GFRA2: variants seen among roughly 807,000 people sequenced by gnomAD.
GFRA2 encodes GDNF family receptor alpha-2.
In GFRA2, 17 loss-of-function variants were observed where a neutral mutation model predicts 48.3. The ratio of observed to expected loss-of-function variants is 0.35; its 90% CI spans 0.24 to 0.53. The LOEUF (loss-of-function observed/expected upper bound fraction) is 0.53. Ranked by LOEUF, GFRA2 falls within the 20% of genes least tolerant of loss-of-function variation. GFRA2 has a pLI of 0.93. For missense variants in GFRA2, 660 were observed against 637.3 expected, an observed-to-expected ratio of 1.04 and a Z score of -0.38; for synonymous variants, 305 against 257.2, an observed-to-expected ratio of 1.19 and a Z score of -1.78.
intron 7 of GFRA2, among the ~76,000 whole-genome samples, chr8:21,702,254 C>T (rs192930030): frequency 1.3e-5 from 2 of 152,290 alleles, no homozygotes; most frequent in East Asian, 1.9e-4. Flanking sequence ...CCCACCCAGT[C>T]GCCAGGAGGG....
chr8:21,702,654 C>A (rs1203011197), intron 7 of GFRA2, 151 bp downstream of exon 7: 2 of 649,098 alleles, frequency 3.1e-6, no homozygotes, highest in Non-Finnish European at 5.1e-6. Context: ...AATAAAGGAA[C>A]TGGTGAAGAA....
exon 1 of GFRA2, chr8:21,812,287 G>A (rs888044422): frequency 2.6e-5 from 4 of 152,292 alleles, no homozygotes; most frequent in African/African-American, 9.6e-5. Context: ...CGGCCTGATG[G>A]CGCATTGTCC....
chr8:21,759,443 AG>A, intron 3 of GFRA2, among the ~76,000 whole-genome samples: 1 of 76,526 alleles, frequency 1.3e-5, no homozygotes, highest in Non-Finnish European at 2.4e-5. Flanking sequence ...AGAGGGAGGG[AG>A]AGAGGGAGAG....
At chr8:21,708,045 C>A (rs558732371) in intron 4 of GFRA2, among the ~76,000 whole-genome samples, 1 of 152,322 alleles carries the variant, frequency 6.6e-6, no homozygotes, top group South Asian at 2.1e-4. Context: ...GTAGCAGAGC[C>A]AAGACTCAAG....
At chr8:21,734,278 C>T (rs914901935) in intron 4 of GFRA2, among the ~76,000 whole-genome samples, 6 of 152,206 alleles carry the variant, frequency 3.9e-5, no homozygotes, top group African/African-American at 7.2e-5. Flanking sequence ...ACCTTCTACC[C>T]GCAGCTAGAA....
intron 4 of GFRA2, chr8:21,706,345 G>C (rs1442504485): frequency 5.8e-6 from 3 of 518,878 alleles, no homozygotes; most frequent in Non-Finnish European, 7.5e-6. Flanking sequence ...GCTCTTTTAG[G>C]CTGGAGCCGG....
At chr8:21,775,660 C>A (rs1806655812) in intron 2 of GFRA2, among the ~76,000 whole-genome samples, 1 of 152,194 alleles carries the variant, frequency 6.6e-6, no homozygotes, top group Non-Finnish European at 1.5e-5. Flanking sequence ...ATCGTGTCAC[C>A]AGGAGAATCT....
chr8:21,803,501 G>A (rs1283267440), intron 2 of GFRA2, among the ~76,000 whole-genome samples: 1 of 152,100 alleles, frequency 6.6e-6, no homozygotes, highest in Admixed American at 6.5e-5. Context: ...AGCAATTCCT[G>A]GGCTACAGGA....
chr8:21,736,690 C>CA (rs1804480868), intron 4 of GFRA2, among the ~76,000 whole-genome samples: 1 of 152,054 alleles, frequency 6.6e-6, no homozygotes, highest in South Asian at 2.1e-4. Flanking sequence ...TTAATAGAGA[C>CA]AGTGTCTCAC....
chr8:21,701,161 G>C (rs528960601), intron 7 of GFRA2, among the ~76,000 whole-genome samples: 2 of 152,252 alleles, frequency 1.3e-5, no homozygotes, highest in African/African-American at 2.4e-5. Context: ...TTGGGAGGCC[G>C]AGGCGGGTGG....
chr8:21,694,375 G>T, intron 8 of GFRA2, 89 bp downstream of exon 8: 2 of 1,257,536 alleles, frequency 1.6e-6, no homozygotes, highest in Non-Finnish European at 2.2e-6. Context: ...GATGAGATTT[G>T]AGGGCGCTGG....
At chr8:21,754,637 T>C (rs147851552) in intron 3 of GFRA2, among the ~76,000 whole-genome samples, 6,767 of 151,668 alleles carry the variant, frequency 0.045, 324 homozygotes, top group African/African-American at 0.12. Flanking sequence ...GCCTCCTGAG[T>C]AGCTTGGATT....
At chr8:21,705,169 G>A (rs113957442) in intron 5 of GFRA2, 44 bp from the exon 6 acceptor site, 19,427 of 1,572,992 alleles carry the variant, frequency 0.012, 163 homozygotes, top group Non-Finnish European at 0.015. Flanking sequence ...GGTACGGTGG[G>A]GCCTTCCCCT....
At chr8:21,733,993 G>A (rs893432605) in intron 4 of GFRA2, among the ~76,000 whole-genome samples, 1 of 152,216 alleles carries the variant, frequency 6.6e-6, no homozygotes, top group East Asian at 1.9e-4. Context: ...GGGGAGGGAG[G>A]GCAGGGGACC....
chr8:21,790,356 T>C (rs1487895490), upstream of GFRA2, among the ~76,000 whole-genome samples: 1 of 152,250 alleles, frequency 6.6e-6, no homozygotes, highest in Admixed American at 6.5e-5. Flanking sequence ...CAATCTGGGC[T>C]GCACGTAACA....
chr8:21,729,279 G>A (rs1451405025), intron 4 of GFRA2, among the ~76,000 whole-genome samples: 5 of 152,174 alleles, frequency 3.3e-5, no homozygotes, highest in African/African-American at 7.2e-5. Flanking sequence ...GCAGTGAGCC[G>A]TGATCACACC....
chr8:21,705,053 C>T lies in GFRA2; in HGVS notation c.977G>A (p.Arg326His), dbSNP rs781276745. ...GIVVSPWCSC[R>H]GSGNMEEECE... is the part of the protein sequence containing the mutation. ...CTCCTCCTCCATGTTCCCGCTGCCACGACAGCTGCACCAGGGGGACACCAC... is the reference window on the plus strand; with the variant it reads ...CTCCTCCTCCATGTTCCCGCTGCCATGACAGCTGCACCAGGGGGACACCAC... Residue 326 changes from arginine to histidine, a missense_variant, in exon 6 of 9, where the codon CGT becomes CAT. Transcript: ENST00000524240. 38 of 1,610,822 alleles carry T rather than the reference C, an allele frequency of 2.4e-5. No individual in the cohort carries two copies. Among genetic ancestry groups the T allele is most frequent in the African/African-American group, 1.6e-4 (12 of 74,804 alleles).
intron 1 of GFRA2, among the ~76,000 whole-genome samples, chr8:21,787,845 C>T (rs1235134130): frequency 3.9e-5 from 6 of 152,110 alleles, no homozygotes; most frequent in African/African-American, 1.2e-4. Context: ...TGTGAGCGAG[C>T]GCGGGTGTGT....
intron 1 of GFRA2, among the ~76,000 whole-genome samples, chr8:21,810,302 C>T (rs372242270): frequency 6.6e-6 from 1 of 152,292 alleles, no homozygotes; most frequent in East Asian, 1.9e-4. Context: ...AATCCTTCCC[C>T]ACTCCCTCCT....
Sources: allele counts gnomAD v4.1 joint callset (sites outside exome capture counted in the v4.1 genomes callset), GRCh38; gene constraint gnomAD v4.1.1; transcripts MANE v1.5; gene names NCBI Gene and HGNC (gene_info 2026-07-23, HGNC 2026-07-21).